Variants in MAPK9 observed in about 807,000 individuals in gnomAD.
MAPK9 encodes mitogen-activated protein kinase 9.
MAPK9 carries 30 observed loss-of-function variants against 57.1 expected under a neutral mutation model. That is an observed-to-expected ratio of 0.53 (90% confidence interval 0.39 to 0.71). The LOEUF is 0.71. MAPK9 is among the 30% of genes least tolerant of loss of function. MAPK9 has a pLI of 0.00. For missense variants in MAPK9, 362 were observed against 521.0 expected (o/e 0.69, Z 2.97); for synonymous variants, 155 against 177.0 (o/e 0.88, Z 0.99).
chr5:180,277,013 T>C (rs1761882395), intron 2 of MAPK9, among the ~76,000 whole-genome samples: 1 of 152,228 alleles, frequency 6.6e-6, no homozygotes, highest in Non-Finnish European at 1.5e-5. Flanking sequence ...CTCTTCCATT[T>C]AATCCTGTAC....
At chr5:180,291,306 C>A (rs1323011786) in intron 1 of MAPK9, among the ~76,000 whole-genome samples, 1 of 13,542 alleles carries the variant, frequency 7.4e-5, no homozygotes, top group Admixed American at 1.2e-3. Flanking sequence ...CGCGGGGAGG[C>A]GGGAGGCTGG....
At chr5:180,252,940 G>A (rs1043054070) in intron 5 of MAPK9, among the ~76,000 whole-genome samples, 1 of 152,228 alleles carries the variant, frequency 6.6e-6, no homozygotes, top group East Asian at 1.9e-4. Flanking sequence ...GGGCGCCACA[G>A]GAAAGCCATT....
At chr5:180,284,232 C>T (rs1762549115) in intron 1 of MAPK9, among the ~76,000 whole-genome samples, 1 of 152,234 alleles carries the variant, frequency 6.6e-6, no homozygotes, top group African/African-American at 2.4e-5. Flanking sequence ...TAGCAATACA[C>T]TAAAGCCTGC....
intron 10 of MAPK9, among the ~76,000 whole-genome samples, chr5:180,239,622 A>G (rs902063169): frequency 6.6e-6 from 1 of 152,262 alleles, no homozygotes; most frequent in African/African-American, 2.4e-5. Flanking sequence ...GCTTAAAAAC[A>G]TATCAATCAA....
chr5:180,254,420 A>G (rs1759052218), intron 5 of MAPK9, among the ~76,000 whole-genome samples: 1 of 152,228 alleles, frequency 6.6e-6, no homozygotes, highest in Non-Finnish European at 1.5e-5. Context: ...ATCCTCAGAG[A>G]TGATAGTATA....
In MAPK9 at chr5:180,234,935, G is replaced by A. The variant is rs1035901127; in HGVS notation, c.*1449C>T. The A allele has an allele frequency of 1.3e-5, 2 of 152,086 alleles. No individual in the cohort carries two copies. The highest frequency in any genetic ancestry group is 4.8e-5 in the African/African-American group (2 of 41,418). 9.4% of individuals were successfully genotyped at this position (152,086 alleles called of 1,614,324 possible). A position where few individuals can be genotyped will look rare whatever the true frequency, so the allele number is the denominator to read the frequency against. ...CACTCTACAGAATGTCGACTGAAAA[G>A]CTTCCAAAATAATTGAACACAAGAT... On this transcript the variant is annotated 3_prime_UTR_variant, in exon 12 of 12. Coordinates refer to ENST00000452135, the MANE Select transcript of MAPK9 (RefSeq NM_002752.5).
At chr5:180,259,384 G>GATGT (rs1293670482) in intron 5 of MAPK9, among the ~76,000 whole-genome samples, 1 of 128,224 alleles carries the variant, frequency 7.8e-6, no homozygotes, top group Non-Finnish European at 1.7e-5. Flanking sequence ...GACCGTAAGG[G>GATGT]ATGTGGTCAA....
chr5:180,284,184 C>A (rs7721150), intron 1 of MAPK9, among the ~76,000 whole-genome samples: 5 of 151,964 alleles, frequency 3.3e-5, no homozygotes, highest in Admixed American at 2.0e-4. Context: ...AACAGTTTTA[C>A]AAATCGGGAA....
At chr5:180,257,368 G>A (rs528319655) in intron 5 of MAPK9, among the ~76,000 whole-genome samples, 105 of 152,330 alleles carry the variant, frequency 6.9e-4, no homozygotes, top group African/African-American at 2.3e-3. Context: ...AACAGGCTCT[G>A]CTGTTCTTGT....
chr5:180,242,770 G>A lies in MAPK9; in HGVS notation c.689-15C>T. ...CTGATCAATATCTAAGGAGTTTCTT[G>A]AGGAAAATACAACTGAAGTACCTTG... is the stretch of plus-strand genomic sequence containing the variant. On this transcript the variant is annotated splice_polypyrimidine_tract_variant and intron_variant, in intron 7 of 11. Transcript: ENST00000452135. The A allele has an allele frequency of 6.2e-7, 1 of 1,602,502 alleles. No homozygotes were observed. Among genetic ancestry groups the A allele is most frequent in the Non-Finnish European group, 8.5e-7 (1 of 1,173,492 alleles).
chr5:180,236,612 C>T, intron 11 of MAPK9, 86 bp from the exon 12 acceptor site: 1 of 1,475,968 alleles, frequency 6.8e-7, no homozygotes. Context: ...CATTTCTCGG[C>T]TCTGTCCTTT....
At position 180,236,380 on chromosome 5, in the gene MAPK9, C is replaced by A. The variant is rs1757173017; in HGVS notation, c.*4G>T. 2 of 1,603,072 alleles carry A rather than the reference C, an allele frequency of 1.2e-6. No homozygotes were observed. The highest frequency in any genetic ancestry group is 8.5e-7 in the Non-Finnish European group (1 of 1,171,910). ...ATGCTGACAGGTTTGCTATTTCTAA[C>A]CTATCATCGACAGCCTTCAAGGGGT... On this transcript the variant is annotated 3_prime_UTR_variant, in exon 12 of 12. Coordinates refer to ENST00000452135, the MANE Select transcript of MAPK9 (RefSeq NM_002752.5).
At chr5:180,272,647 C>T (rs2127610960) in intron 2 of MAPK9, among the ~76,000 whole-genome samples, 1 of 152,286 alleles carries the variant, frequency 6.6e-6, no homozygotes, top group South Asian at 2.1e-4. Flanking sequence ...TTCTGTGGCT[C>T]AATATTATGG....
chr5:180,265,023 G>A (rs34461510), intron 3 of MAPK9, among the ~76,000 whole-genome samples, 184 bp from the exon 4 acceptor site: 1,919 of 152,254 alleles, frequency 0.013, 36 homozygotes, highest in African/African-American at 0.044. Flanking sequence ...AAGGAAAGAT[G>A]CACTTTTAAT....
chr5:180,240,855 C>G (rs992752726), intron 9 of MAPK9, among the ~76,000 whole-genome samples, 176 bp downstream of exon 9: 1 of 152,196 alleles, frequency 6.6e-6, no homozygotes, highest in Non-Finnish European at 1.5e-5. Flanking sequence ...AGCTGGGGCT[C>G]CAGCAGCAAA....
chr5:180,252,886 C>A (rs1758859456), intron 5 of MAPK9, among the ~76,000 whole-genome samples: 1 of 151,178 alleles, frequency 6.6e-6, no homozygotes, highest in Non-Finnish European at 1.5e-5. Flanking sequence ...GGGTGTCCCA[C>A]TAACCTCTGT....
chr5:180,286,067 G>A (rs1459599503), intron 1 of MAPK9, among the ~76,000 whole-genome samples: 13 of 130,724 alleles, frequency 9.9e-5, no homozygotes, highest in South Asian at 5.3e-4. Context: ...GCGACAGAGC[G>A]AGACTCCGTC....
chr5:180,256,207 G>A (rs1311873779), intron 5 of MAPK9, among the ~76,000 whole-genome samples: 1 of 152,134 alleles, frequency 6.6e-6, no homozygotes, highest in Admixed American at 6.5e-5. Context: ...TATATACTTC[G>A]GTGGGATATC....
At chr5:180,240,319 C>A (rs1757540575) in intron 9 of MAPK9, among the ~76,000 whole-genome samples, 2 of 152,188 alleles carry the variant, frequency 1.3e-5, no homozygotes, top group Non-Finnish European at 2.9e-5. Context: ...GTGCTGGCAG[C>A]TATGGAAGGT....
Sources: allele counts gnomAD v4.1 joint callset (sites outside exome capture counted in the v4.1 genomes callset), GRCh38; gene constraint gnomAD v4.1.1; transcripts MANE v1.5; gene names NCBI Gene and HGNC (gene_info 2026-07-23, HGNC 2026-07-21).